The following PCLO variants were observed in gnomAD, a reference collection of about 807,000 sequenced individuals.
PCLO encodes the protein piccolo presynaptic cytomatrix protein.
A neutral mutation model predicts 427.5 loss-of-function variants in PCLO; 82 were observed. The observed-to-expected ratio is 0.19, with a 90% CI of 0.16 to 0.23. The LOEUF (loss-of-function observed/expected upper bound fraction) is 0.23, where lower values mean the gene tolerates loss of function less well. PCLO is among the 10% of genes least tolerant of loss of function. The pLI is 1.00. For missense variants in PCLO, 6,239 were observed against 6,115.9 expected, an observed-to-expected ratio of 1.02 and a Z score of -0.67; for synonymous variants, 2,357 against 2,155.4, an observed-to-expected ratio of 1.09 and a Z score of -2.59.
Position 83,162,757 on chromosome 7 carries a change from G to C in PCLO, c.-165C>G. ...ACTGCCGCCCGGAACGCCAGGCAGG[G>C]GTTAGTCCCGCTCGCAGGTAACGCC... On this transcript the variant is annotated 5_prime_UTR_variant, in exon 1 of 25. Coordinates refer to ENST00000333891, the MANE Select transcript of PCLO (RefSeq NM_033026.6). 1.2e-6 allele frequency: 1 copy of C among 856,124 alleles called. No homozygotes were observed. Among genetic ancestry groups the C allele is most frequent in the East Asian group, 2.8e-5 (1 of 35,712 alleles). The allele number at this position is 856,124 out of a possible 1,614,324, so 53.0% of individuals were successfully genotyped here. A position where few individuals can be genotyped will look rare whatever the true frequency, so the allele number is the denominator to read the frequency against.
Position 82,835,696 on chromosome 7 carries a change from G to A in PCLO, c.14223-3C>T, listed in dbSNP as rs1562809154. On this transcript the variant is annotated splice_polypyrimidine_tract_variant and splice_region_variant and intron_variant, in intron 15 of 24. Transcript: ENST00000333891. ...CATTCTGGACAACCATGACTTGACT[G>A]CATTGATTCCAAGAGCGAGAGTGAA... The A allele has an allele frequency of 1.2e-6, 2 of 1,608,378 alleles. No homozygotes were observed. The highest frequency in any genetic ancestry group is 2.7e-5 in the African/African-American group (2 of 74,816).
At chr7:82,821,287 A>G (rs1172270648) in intron 20 of PCLO, 2 of 986,278 alleles carry the variant, frequency 2.0e-6, no homozygotes, top group East Asian at 2.3e-4. Context: ...GACCGCTTTT[A>G]TGTGCTGCTG....
chr7:83,142,143 T>G lies in PCLO; in HGVS notation c.1894-6487A>C, dbSNP rs1486811894. Among the ~76,000 whole-genome samples, 11 of 152,156 alleles carry G rather than the reference T, an allele frequency of 7.2e-5. No homozygotes were observed. In the South Asian group the frequency reaches 1.5e-3, roughly 20 times the overall value. Reference sequence around the variant, plus strand: ...AAACACATCAACATAATATTCATAATATGATCTCTGCTCAATTACATAGCC... The same window carrying G: ...AAACACATCAACATAATATTCATAAGATGATCTCTGCTCAATTACATAGCC... On this transcript the variant is annotated intron_variant, in intron 2 of 24. Coordinates refer to ENST00000333891, the MANE Select transcript of PCLO (RefSeq NM_033026.6).
rs920328654 is a variant in PCLO at position 83,019,826 on chromosome 7, G to C, written c.3301-53339C>G. 2.0e-5 allele frequency among the ~76,000 whole-genome samples: 3 copies of C among 151,884 alleles called. No individual in the cohort carries two copies. The East Asian group carries it at 5.8e-4, about 29-fold the overall frequency. On this transcript the variant is annotated intron_variant, in intron 3 of 24. Transcript: ENST00000333891. ...GACTAGAGAATCCATCAGACTCTGG[G>C]GCAAAGACTGAAGCAGCGGCAAAGG...
At chr7:83,043,177 G>A (rs571943297) in intron 3 of PCLO, among the ~76,000 whole-genome samples, 35 of 152,200 alleles carry the variant, frequency 2.3e-4, no homozygotes, top group Middle Eastern at 3.4e-3. Flanking sequence ...CCTCTAGGGG[G>A]TAAAATCTCC....
chr7:82,872,473 G>A (rs943630744), intron 10 of PCLO, among the ~76,000 whole-genome samples: 5 of 151,796 alleles, frequency 3.3e-5, no homozygotes, highest in African/African-American at 1.2e-4. Flanking sequence ...ATAGAGATGA[G>A]AACACTAATT....
intron 10 of PCLO, among the ~76,000 whole-genome samples, chr7:82,876,791 G>A (rs1364705930): frequency 6.6e-6 from 1 of 152,038 alleles, no homozygotes; most frequent in Non-Finnish European, 1.5e-5. Context: ...GTTTATTAAA[G>A]AGCTATGTTG....
chr7:83,122,140 GA>G (rs1220516139), intron 3 of PCLO, among the ~76,000 whole-genome samples: 1 of 152,030 alleles, frequency 6.6e-6, no homozygotes, highest in African/African-American at 2.4e-5. Flanking sequence ...CAAAACTGGG[GA>G]TAGAAGGAAC....
At chr7:83,110,678 A>G (rs1790980610) in intron 3 of PCLO, among the ~76,000 whole-genome samples, 2 of 152,164 alleles carry the variant, frequency 1.3e-5, no homozygotes, top group Admixed American at 1.3e-4. Flanking sequence ...TAACTTCCCT[A>G]TGAACACCAA....
chr7:82,981,936 G>A (rs1445177835), intron 3 of PCLO, among the ~76,000 whole-genome samples: 1 of 151,948 alleles, frequency 6.6e-6, no homozygotes, highest in African/African-American at 2.4e-5. Flanking sequence ...TGTAGAATGT[G>A]GCTTAATACT....
At chr7:82,893,784 T>C (rs1793835290) in intron 9 of PCLO, among the ~76,000 whole-genome samples, 1 of 151,994 alleles carries the variant, frequency 6.6e-6, no homozygotes. Context: ...CAGAATATTG[T>C]TGTTTCTTTC....
intron 3 of PCLO, among the ~76,000 whole-genome samples, chr7:83,011,293 T>C (rs1788070802): frequency 6.6e-6 from 1 of 151,610 alleles, no homozygotes. Flanking sequence ...ACTAGCTAAA[T>C]TTTATATTTT....
intron 6 of PCLO, among the ~76,000 whole-genome samples, chr7:82,946,187 G>T (rs1221003173): frequency 2.0e-5 from 3 of 152,314 alleles, no homozygotes; most frequent in African/African-American, 7.2e-5. Flanking sequence ...AGATTTCATT[G>T]TCCAAGTACA....
intron 10 of PCLO, among the ~76,000 whole-genome samples, chr7:82,865,443 G>A (rs946025191): frequency 1.3e-5 from 2 of 152,196 alleles, no homozygotes; most frequent in African/African-American, 2.4e-5. Context: ...AGCTGAGATC[G>A]CGCCATTGCA....
At chr7:83,034,078 A>C (rs1006560358) in intron 3 of PCLO, among the ~76,000 whole-genome samples, 1 of 152,222 alleles carries the variant, frequency 6.6e-6, no homozygotes, top group African/African-American at 2.4e-5. Context: ...AGTCCAATAC[A>C]GTTAAGAAAA....
intron 16 of PCLO, among the ~76,000 whole-genome samples, chr7:82,829,103 A>G (rs1792026211): frequency 1.3e-5 from 2 of 152,110 alleles, no homozygotes; most frequent in Admixed American, 1.3e-4. Context: ...ATTTACCTAT[A>G]CATTGTAGAG....
intron 9 of PCLO, among the ~76,000 whole-genome samples, chr7:82,889,983 T>G: frequency 6.6e-6 from 1 of 151,786 alleles, no homozygotes; most frequent in East Asian, 1.9e-4. Context: ...ATTTTTAGCT[T>G]TATAATTGTT....
intron 2 of PCLO, among the ~76,000 whole-genome samples, chr7:83,143,193 G>A (rs1393628620): frequency 1.3e-5 from 2 of 152,130 alleles, no homozygotes; most frequent in Admixed American, 6.5e-5. Flanking sequence ...GATAAAGTTT[G>A]ATAACAGATT....
At chr7:82,811,603 G>C (rs1791573199) in intron 20 of PCLO, among the ~76,000 whole-genome samples, 1 of 151,416 alleles carries the variant, frequency 6.6e-6, no homozygotes, top group African/African-American at 2.4e-5. Flanking sequence ...ACAGTTCAGG[G>C]GTTCTAGTTT....
Sources: gnomAD v4.1 joint callset for allele counts (sites outside exome capture counted in the v4.1 genomes callset) on GRCh38, gnomAD v4.1.1 for gene constraint, MANE v1.5 for transcripts, NCBI Gene and HGNC (gene_info 2026-07-23, HGNC 2026-07-21) for gene names.